TBC1D5: variants seen among roughly 807,000 people sequenced by gnomAD.
TBC1D5 encodes the protein TBC1 domain family, member 5.
Under a neutral mutation model 100.3 loss-of-function variants are expected in TBC1D5, and 75 were observed. The ratio of observed to expected loss-of-function variants is 0.75; its 90% CI spans 0.62 to 0.91. TBC1D5 has a LOEUF of 0.91. Ranked by LOEUF, TBC1D5 falls within the 40% of genes least tolerant of loss-of-function variation. TBC1D5 has a pLI of 0.00. For synonymous variants in TBC1D5, 323 were observed against 325.6 expected, an observed-to-expected ratio of 0.99 and a Z score of 0.09; for missense variants, 910 against 942.4, an observed-to-expected ratio of 0.97 and a Z score of 0.45.
chr3:17,404,433 C>A (rs1055337534), intron 7 of TBC1D5, among the ~76,000 whole-genome samples: 11 of 151,990 alleles, frequency 7.2e-5, no homozygotes, highest in South Asian at 2.1e-4. Context: ...TCTTTATGGT[C>A]TTATATTTTA....
At chr3:17,585,620 G>T (rs1465447636) in intron 2 of TBC1D5, among the ~76,000 whole-genome samples, 3 of 152,152 alleles carry the variant, frequency 2.0e-5, no homozygotes, top group Non-Finnish European at 2.9e-5. Flanking sequence ...AGGCAGAAAA[G>T]AAACTGTCTC....
At chr3:17,428,960 TAAAC>T (rs1399014539) in intron 3 of TBC1D5, among the ~76,000 whole-genome samples, 1 of 151,966 alleles carries the variant, frequency 6.6e-6, no homozygotes, top group Non-Finnish European at 1.5e-5. Flanking sequence ...AGGAATTTAG[TAAAC>T]AGAGGTAAAA....
intron 2 of TBC1D5, among the ~76,000 whole-genome samples, chr3:17,608,222 A>G (rs2061458068): frequency 6.6e-6 from 1 of 152,158 alleles, no homozygotes; most frequent in African/African-American, 2.4e-5. Flanking sequence ...TTGCCACTGC[A>G]CTCCAGCCCA....
At chr3:17,722,942 A>G (rs2075823949) in intron 1 of TBC1D5, among the ~76,000 whole-genome samples, 1 of 152,170 alleles carries the variant, frequency 6.6e-6, no homozygotes. Context: ...TCCAGGACTA[A>G]TTTTTGCAAA....
intron 3 of TBC1D5, among the ~76,000 whole-genome samples, chr3:17,457,071 C>T (rs896705713): frequency 6.6e-6 from 1 of 151,890 alleles, no homozygotes; most frequent in Non-Finnish European, 1.5e-5. Flanking sequence ...CTATTTTTTG[C>T]TAGAACAATA....
At chr3:17,677,456 C>A (rs922014914) in intron 1 of TBC1D5, among the ~76,000 whole-genome samples, 28 of 152,326 alleles carry the variant, frequency 1.8e-4, no homozygotes, top group African/African-American at 6.7e-4. Flanking sequence ...GAGATACCAT[C>A]TCACACCAGT....
intron 9 of TBC1D5, among the ~76,000 whole-genome samples, chr3:17,377,673 C>T (rs1367019489): frequency 6.6e-6 from 1 of 151,986 alleles, no homozygotes; most frequent in Non-Finnish European, 1.5e-5. Flanking sequence ...AACAGAGTCA[C>T]ATAGTCCTCT....
chr3:17,707,807 A>C (rs1181162975), intron 1 of TBC1D5, among the ~76,000 whole-genome samples: 1 of 152,212 alleles, frequency 6.6e-6, no homozygotes, highest in African/African-American at 2.4e-5. Context: ...AATTAAAAAC[A>C]ACCAAAGAAA....
At chr3:17,374,757 A>C in intron 10 of TBC1D5, 78 bp from the exon 11 acceptor site, 1 of 1,440,572 alleles carries the variant, frequency 6.9e-7, no homozygotes, top group Non-Finnish European at 9.5e-7. Flanking sequence ...TATTCTATAT[A>C]AGACAACTTT....
exon 5 of TBC1D5, chr3:17,406,460 A>G (rs1047406257): frequency 2.5e-6 from 4 of 1,611,768 alleles, no homozygotes; most frequent in Non-Finnish European, 3.4e-6. Flanking sequence ...TCAGCTGCCC[A>G]TTAATCCCCT....
chr3:17,589,641 C>G (rs555997773), intron 2 of TBC1D5, among the ~76,000 whole-genome samples: 1 of 152,300 alleles, frequency 6.6e-6, no homozygotes, highest in African/African-American at 2.4e-5. Flanking sequence ...GTAAATCGTC[C>G]AGTCTTGGGT....
At chr3:17,478,570 T>C (rs2095465687) in intron 3 of TBC1D5, among the ~76,000 whole-genome samples, 4 of 152,342 alleles carry the variant, frequency 2.6e-5, no homozygotes, top group Admixed American at 2.6e-4. Flanking sequence ...CTATCATGAA[T>C]AGAATTTTTG....
intron 19 of TBC1D5, among the ~76,000 whole-genome samples, chr3:17,175,485 G>C (rs925410292): frequency 2.0e-5 from 3 of 152,050 alleles, no homozygotes; most frequent in Non-Finnish European, 4.4e-5. Flanking sequence ...TATAACATTA[G>C]GGTCAACCAA....
At chr3:17,607,711 T>C (rs762739392) in intron 2 of TBC1D5, among the ~76,000 whole-genome samples, 1 of 150,172 alleles carries the variant, frequency 6.7e-6, no homozygotes, top group East Asian at 1.9e-4. Context: ...GTACCCAGAA[T>C]AGAACCTATG....
intron 13 of TBC1D5, among the ~76,000 whole-genome samples, chr3:17,315,251 G>T (rs2084545148): frequency 6.6e-6 from 1 of 152,150 alleles, no homozygotes; most frequent in Non-Finnish European, 1.5e-5. Context: ...ATTTCTCTTA[G>T]AATTCTATCT....
intron 4 of TBC1D5, among the ~76,000 whole-genome samples, chr3:17,411,527 C>T (rs1469428625): frequency 6.6e-6 from 1 of 152,098 alleles, no homozygotes; most frequent in Non-Finnish European, 1.5e-5. Context: ...TTGTGAGACA[C>T]CATGCAGTTC....
intron 17 of TBC1D5, 43 bp downstream of exon 17, chr3:17,238,120 C>A: frequency 1.3e-6 from 2 of 1,581,888 alleles, no homozygotes; most frequent in Non-Finnish European, 1.7e-6. Flanking sequence ...TCCCAGGCTA[C>A]ACCATGAATG....
chr3:17,488,097 T>G (rs2095593103), intron 3 of TBC1D5, among the ~76,000 whole-genome samples: 1 of 152,210 alleles, frequency 6.6e-6, no homozygotes, highest in Admixed American at 6.5e-5. Flanking sequence ...CAGAATAGTT[T>G]CACTGCCCTA....
chr3:17,583,980 A>T (rs1396672266), intron 2 of TBC1D5, among the ~76,000 whole-genome samples: 1 of 152,226 alleles, frequency 6.6e-6, no homozygotes, highest in African/African-American at 2.4e-5. Flanking sequence ...ATAAATGGAT[A>T]AACACATGGA....
Sources: gnomAD v4.1 joint callset for allele counts (sites outside exome capture counted in the v4.1 genomes callset) on GRCh38, gnomAD v4.1.1 for gene constraint, MANE v1.5 for transcripts, NCBI Gene and HGNC (gene_info 2026-07-23, HGNC 2026-07-21) for gene names.